Variants in STPG2 observed in about 807,000 individuals in gnomAD.
STPG2 encodes sperm-tail PG-rich repeat-containing protein 2.
Under a neutral mutation model 54.2 loss-of-function variants are expected in STPG2, and 56 were observed. That is an observed-to-expected ratio of 1.03 (90% confidence interval 0.83 to 1.29). The LOEUF (loss-of-function observed/expected upper bound fraction) is 1.29, where lower values mean the gene tolerates loss of function less well. Ranked by LOEUF, STPG2 falls within the 50% of genes most tolerant of loss-of-function variation. STPG2 has a pLI of 0.00. For missense variants in STPG2, 596 were observed against 544.9 expected (o/e 1.09, Z -0.93); for synonymous variants, 200 against 181.8 (o/e 1.10, Z -0.81).
chr4:98,129,140 T>C (rs1739913965), intron 2 of STPG2, among the ~76,000 whole-genome samples: 1 of 152,222 alleles, frequency 6.6e-6, no homozygotes, highest in African/African-American at 2.4e-5. Flanking sequence ...ATAGAATAGA[T>C]AACTATTAAA....
intron 4 of STPG2, among the ~76,000 whole-genome samples, chr4:97,478,218 GTAAAT>G (rs1199582308): frequency 6.6e-6 from 1 of 152,018 alleles, no homozygotes; most frequent in Non-Finnish European, 1.5e-5. Context: ...AATACACAAA[GTAAAT>G]AAAGTGGAAA....
chr4:97,592,215 T>C (rs985236547), intron 10 of STPG2, among the ~76,000 whole-genome samples: 1 of 152,060 alleles, frequency 6.6e-6, no homozygotes, highest in Non-Finnish European at 1.5e-5. Context: ...AAACTAATAC[T>C]CATTTTTTAT....
chr4:97,559,010 A>C lies in STPG2; in HGVS notation c.*48T>G. 2.1e-6 allele frequency: 3 copies of C among 1,441,424 alleles called. No individual in the cohort carries two copies. Among genetic ancestry groups the C allele is most frequent in the Non-Finnish European group, 2.9e-6 (3 of 1,042,314 alleles). The allele number at this position is 1,441,424 out of a possible 1,614,324, so 89.3% of individuals were successfully genotyped here. On this transcript the variant is annotated 3_prime_UTR_variant, in exon 11 of 11. Transcript: ENST00000295268. ...ATTTTGTTAAAATGACAAAGAAATA[A>C]ACTGACTTCCATGAAGTTGTTTTTT...
intron 10 of STPG2, among the ~76,000 whole-genome samples, chr4:97,603,095 T>C (rs1733505437): frequency 6.6e-6 from 1 of 151,616 alleles, no homozygotes; most frequent in Non-Finnish European, 1.5e-5. Flanking sequence ...CCAGAATATA[T>C]AAAAACTTTT....
intron 1 of STPG2, among the ~76,000 whole-genome samples, chr4:98,135,822 G>A (rs1312175227): frequency 6.6e-6 from 1 of 151,778 alleles, no homozygotes; most frequent in Non-Finnish European, 1.5e-5. Flanking sequence ...AGAAATTCAG[G>A]ACACCAATGA....
intron 5 of STPG2, among the ~76,000 whole-genome samples, chr4:98,076,139 G>A (rs1439556435): frequency 6.6e-6 from 1 of 152,036 alleles, no homozygotes. Context: ...AGCTACTCAG[G>A]AGGCTGAGGC....
intron 8 of STPG2, among the ~76,000 whole-genome samples, chr4:97,927,127 G>T (rs992188204): frequency 1.3e-5 from 2 of 152,032 alleles, no homozygotes; most frequent in African/African-American, 4.8e-5. Context: ...CCTAGCTCGA[G>T]ATGATACACA....
At chr4:97,682,945 T>C (rs994319894) in intron 10 of STPG2, among the ~76,000 whole-genome samples, 6 of 151,814 alleles carry the variant, frequency 4.0e-5, no homozygotes, top group Non-Finnish European at 7.4e-5. Context: ...ACTATATGAT[T>C]CACTGAAAGA....
At chr4:97,919,457 G>T (rs567360141) in intron 8 of STPG2, among the ~76,000 whole-genome samples, 2,805 of 144,170 alleles carry the variant, frequency 0.019, 34 homozygotes, top group Non-Finnish European at 0.029. Flanking sequence ...TTAAAAAAAA[G>T]AAAATACGAA....
chr4:97,695,697 C>A (rs1364283829), intron 10 of STPG2, among the ~76,000 whole-genome samples: 1 of 151,336 alleles, frequency 6.6e-6, no homozygotes, highest in Non-Finnish European at 1.5e-5. Flanking sequence ...TGCTATACAC[C>A]AACACTGATC....
intron 9 of STPG2, among the ~76,000 whole-genome samples, chr4:97,729,415 G>GT (rs1428547515): frequency 6.6e-6 from 1 of 152,114 alleles, no homozygotes; most frequent in African/African-American, 2.4e-5. Context: ...TCATGTCACA[G>GT]TTTCTTTTAT....
chr4:97,470,303 T>C (rs1180219906), intron 4 of STPG2, among the ~76,000 whole-genome samples: 1 of 152,120 alleles, frequency 6.6e-6, no homozygotes, highest in Non-Finnish European at 1.5e-5. Flanking sequence ...ACATTTGCCT[T>C]TCTGGTTTGT....
chr4:97,972,463 AT>A (rs1734364430), intron 6 of STPG2, 23 bp from the exon 7 acceptor site: 1 of 1,374,018 alleles, frequency 7.3e-7, no homozygotes, highest in African/African-American at 1.5e-5. Flanking sequence ...GAAGTATCAT[AT>A]ATAAGAATAA....
At chr4:97,457,854 C>T (rs1258542087) in intron 4 of STPG2, among the ~76,000 whole-genome samples, 2 of 151,952 alleles carry the variant, frequency 1.3e-5, no homozygotes, top group African/African-American at 4.8e-5. Context: ...TTAAAAGAAA[C>T]CTAGAGGAAA....
rs1723989275 is a variant in STPG2, at chr4:97,707,602, TGAAA to T, written c.1320+5093_1320+5096del. 3.3e-5 allele frequency among the ~76,000 whole-genome samples: 5 copies of T among 152,032 alleles called. No homozygotes were observed. The South Asian group carries it at 1.0e-3, about 32-fold the overall frequency. On this transcript the variant is annotated intron_variant, in intron 10 of 10. Coordinates refer to ENST00000295268, the MANE Select transcript of STPG2 (RefSeq NM_174952.3). The stretch of plus-strand genomic sequence containing the variant: ...TAGAGATTTTAGAACAGAGAAGGTA[TGAAA>T]GAGTTACCTATGAGAGTATGAGAAT...
At chr4:97,869,981 A>G (rs571466455) in intron 8 of STPG2, among the ~76,000 whole-genome samples, 2 of 151,624 alleles carry the variant, frequency 1.3e-5, no homozygotes, top group African/African-American at 4.8e-5. Flanking sequence ...ATCTTCCTTC[A>G]TTTAAAATTC....
intron 7 of STPG2, among the ~76,000 whole-genome samples, chr4:97,964,235 A>C (rs1734004273): frequency 2.0e-5 from 3 of 152,190 alleles, no homozygotes; most frequent in South Asian, 2.1e-4. Flanking sequence ...TACTGGGGAC[A>C]AGGCAGATGG....
intron 3 of STPG2, among the ~76,000 whole-genome samples, chr4:98,112,499 G>T (rs1438137383): frequency 6.6e-6 from 1 of 152,078 alleles, no homozygotes; most frequent in African/African-American, 2.4e-5. Context: ...ATTGACACAT[G>T]ACTGTGTAAG....
intron 7 of STPG2, among the ~76,000 whole-genome samples, chr4:97,961,596 T>A (rs980807984): frequency 1.3e-5 from 2 of 152,050 alleles, no homozygotes; most frequent in Admixed American, 6.5e-5. Context: ...CCAACAAACA[T>A]ATGAAAATGA....
Sources: gnomAD v4.1 joint callset for allele counts (sites outside exome capture counted in the v4.1 genomes callset) on GRCh38, gnomAD v4.1.1 for gene constraint, MANE v1.5 for transcripts, NCBI Gene and HGNC (gene_info 2026-07-23, HGNC 2026-07-21) for gene names.